Variants in COL5A1 observed in about 807,000 individuals in gnomAD.
The protein encoded by COL5A1 is collagen alpha-1(V) chain.
COL5A1 carries 16 observed loss-of-function variants against 263.7 expected under a neutral mutation model. The ratio of observed to expected loss-of-function variants is 0.06; its 90% CI spans 0.04 to 0.09. The LOEUF (loss-of-function observed/expected upper bound fraction) is 0.09, where lower values mean the gene tolerates loss of function less well. Among genes scored for constraint, COL5A1 ranks in the 10% least tolerant of loss-of-function variants. COL5A1 has a pLI of 1.00. For synonymous variants in COL5A1, 1,012 were observed against 1,004.5 expected (o/e 1.01, Z -0.14); for missense variants, 2,036 against 2,540.5 (o/e 0.80, Z 4.27).
intron 48 of COL5A1, 50 bp downstream of exon 48, chr9:134,812,762 GT>G: frequency 8.7e-7 from 1 of 1,142,900 alleles, no homozygotes; most frequent in Non-Finnish European, 1.3e-6. Context: ...TTTGAGGAGT[GT>G]GTGTGTGTGT....
In COL5A1 at chr9:134,641,940, C is replaced by A. The variant is rs541394417; in HGVS notation, c.-248C>A. ...AGGAGGAGGAGGAGGCGAGGGCGAGCTAGCCCAGCGGGGTCCCGGCCGCCC... is the reference window on the plus strand; with the variant it reads ...AGGAGGAGGAGGAGGCGAGGGCGAGATAGCCCAGCGGGGTCCCGGCCGCCC... On this transcript the variant is annotated 5_prime_UTR_variant, in exon 1 of 66. Coordinates refer to ENST00000371817, the MANE Select transcript of COL5A1 (RefSeq NM_000093.5). 44 of 389,820 alleles carry A rather than the reference C, an allele frequency of 1.1e-4. No individual in the cohort carries two copies. Among genetic ancestry groups the A allele is most frequent in the Admixed American group, 2.7e-4 (6 of 22,370 alleles). 24.1% of individuals were successfully genotyped at this position (389,820 alleles called of 1,614,324 possible).
At chr9:134,718,204 G>A (rs767951927) in intron 4 of COL5A1, among the ~76,000 whole-genome samples, 1 of 152,194 alleles carries the variant, frequency 6.6e-6, no homozygotes, top group Non-Finnish European at 1.5e-5. Flanking sequence ...CTCTGCCAGA[G>A]CCAAGGACAA....
rs1836081888 is a variant in COL5A1, at chr9:134,758,678, A to G, written c.1935+382A>G. On this transcript the variant is annotated intron_variant, in intron 18 of 65. Transcript: ENST00000371817. The surrounding 1 kb of genome is among the most constrained non-coding windows in gnomAD (Gnocchi z 4.1). ...TCAGGGGCGGCCAAGGACACTTTGC[A>G]ATATTAAAGTGGTGGTCCCAAGGGG... Among the ~76,000 whole-genome samples the G allele has an allele frequency of 6.6e-6, 1 of 152,174 alleles. No homozygotes were observed. Among genetic ancestry groups the G allele is most frequent in the African/African-American group, 2.4e-5 (1 of 41,430 alleles).
At chr9:134,697,145 A>G (rs896585627) in intron 2 of COL5A1, among the ~76,000 whole-genome samples, 20 of 151,990 alleles carry the variant, frequency 1.3e-4, no homozygotes, top group Admixed American at 1.0e-3. Flanking sequence ...GGAGAAATGA[A>G]ACATGAAGTG....
At chr9:134,724,769 A>G (rs1226342363) in intron 4 of COL5A1, among the ~76,000 whole-genome samples, 1 of 152,172 alleles carries the variant, frequency 6.6e-6, no homozygotes, top group African/African-American at 2.4e-5. Flanking sequence ...CAAGGCGGAG[A>G]CAAAGCTGTC....
intron 29 of COL5A1, 105 bp downstream of exon 29, chr9:134,782,825 G>T: frequency 8.8e-7 from 1 of 1,134,672 alleles, no homozygotes; most frequent in South Asian, 1.2e-5. Flanking sequence ...TCTCAGAATG[G>T]AGGTAAACTC....
chr9:134,699,671 T>A (rs1028060534), intron 2 of COL5A1, among the ~76,000 whole-genome samples: 5 of 152,116 alleles, frequency 3.3e-5, no homozygotes, highest in African/African-American at 9.7e-5. Context: ...CCAGTTGTGT[T>A]TCATGGAGGA....
chr9:134,661,715 T>C (rs1279743924), intron 1 of COL5A1, among the ~76,000 whole-genome samples: 1 of 152,086 alleles, frequency 6.6e-6, no homozygotes, highest in Non-Finnish European at 1.5e-5. Flanking sequence ...TTAGCTGTAA[T>C]CTCTCCAGGC....
At chr9:134,782,364 G>A (rs1044085093) in intron 28 of COL5A1, among the ~76,000 whole-genome samples, 2 of 152,286 alleles carry the variant, frequency 1.3e-5, no homozygotes, top group East Asian at 1.9e-4. Flanking sequence ...AAATGATACC[G>A]GGAGCTCAGG....
At position 134,642,035 on chromosome 9, in the gene COL5A1, C is replaced by A; in HGVS notation, c.-153C>A. On this transcript the variant is annotated 5_prime_UTR_variant, in exon 1 of 66. Coordinates refer to ENST00000371817, the MANE Select transcript of COL5A1 (RefSeq NM_000093.5). The surrounding 1 kb of genome is among the most constrained non-coding windows in gnomAD (Gnocchi z 4.5). ...GCCGCCCCTTCCAGAACAGCCGCCGCCACAAAGAAGAACGGGGGGTGCCGA... is the reference window on the plus strand; with the variant it reads ...GCCGCCCCTTCCAGAACAGCCGCCGACACAAAGAAGAACGGGGGGTGCCGA... 1.5e-6 allele frequency: 1 copy of A among 659,570 alleles called. No individual in the cohort carries two copies. Among genetic ancestry groups the A allele is most frequent in the Non-Finnish European group, 2.1e-6 (1 of 465,638 alleles). 40.9% of individuals were successfully genotyped at this position (659,570 alleles called of 1,614,324 possible).
chr9:134,662,198 G>C (rs1010344492), intron 1 of COL5A1, among the ~76,000 whole-genome samples: 6 of 150,858 alleles, frequency 4.0e-5, no homozygotes, highest in Non-Finnish European at 7.4e-5. Context: ...TCTCTTTCTA[G>C]TCACTTGTGA....
intron 28 of COL5A1, 39 bp downstream of exon 28, chr9:134,780,185 T>C (rs1295596641): frequency 6.2e-7 from 1 of 1,605,862 alleles, no homozygotes; most frequent in Non-Finnish European, 8.5e-7. Context: ...CCCTGCTTAG[T>C]CCGGAGCCGA....
chr9:134,743,685 T>G (rs903687585), intron 11 of COL5A1, among the ~76,000 whole-genome samples: 1 of 152,218 alleles, frequency 6.6e-6, no homozygotes, highest in African/African-American at 2.4e-5. Flanking sequence ...CCCCATTATG[T>G]GCAGAAGCAG....
At chr9:134,785,433 G>T (rs1005494397) in intron 30 of COL5A1, among the ~76,000 whole-genome samples, 3 of 152,172 alleles carry the variant, frequency 2.0e-5, no homozygotes, top group Admixed American at 1.3e-4. Flanking sequence ...GGGTAATAAC[G>T]GTGTCCCCAC....
At chr9:134,704,588 G>A (rs547279807) in intron 4 of COL5A1, among the ~76,000 whole-genome samples, 1 of 152,194 alleles carries the variant, frequency 6.6e-6, no homozygotes, top group South Asian at 2.1e-4. Flanking sequence ...ATTTTTTCCT[G>A]TCGTGGAATT....
intron 4 of COL5A1, among the ~76,000 whole-genome samples, chr9:134,721,813 C>A (rs1196905046): frequency 6.6e-6 from 1 of 152,232 alleles, no homozygotes. Flanking sequence ...TCCCTCACTA[C>A]GGCCCCATCT....
At chr9:134,784,753 G>A (rs1212135031) in intron 29 of COL5A1, among the ~76,000 whole-genome samples, 2 of 152,254 alleles carry the variant, frequency 1.3e-5, no homozygotes, top group Admixed American at 6.5e-5. Flanking sequence ...AGGCAACCTC[G>A]GTGCAGAGAC....
chr9:134,713,836 A>G (rs922590848), intron 4 of COL5A1, among the ~76,000 whole-genome samples: 3 of 152,202 alleles, frequency 2.0e-5, no homozygotes, highest in African/African-American at 7.2e-5. Context: ...AACCCGGGAC[A>G]GAGAAGGTGG....
intron 4 of COL5A1, 104 bp downstream of exon 4, chr9:134,701,437 C>G: frequency 8.7e-7 from 1 of 1,150,174 alleles, no homozygotes; most frequent in Middle Eastern, 2.7e-4. Context: ...GACCGGCTGG[C>G]GGTCCACTGT....
Sources: allele counts gnomAD v4.1 joint callset (sites outside exome capture counted in the v4.1 genomes callset), GRCh38; gene constraint gnomAD v4.1.1; non-coding constraint Gnocchi (gnomAD v3.1); transcripts MANE v1.5; gene names NCBI Gene and HGNC (gene_info 2026-07-23, HGNC 2026-07-21).